MGAT5: variants seen among roughly 807,000 people sequenced by gnomAD.
MGAT5 encodes alpha-1,6-mannosylglycoprotein 6-beta-N-acetylglucosaminyltransferase A.
In MGAT5, 30 loss-of-function variants were observed where a neutral mutation model predicts 94.3. The observed-to-expected ratio is 0.32, with a 90% CI of 0.24 to 0.43. The LOEUF is 0.43. Among genes scored for constraint, MGAT5 ranks in the 20% least tolerant of loss-of-function variants. MGAT5 has a pLI of 1.00. For synonymous variants in MGAT5, 310 were observed against 322.9 expected, an observed-to-expected ratio of 0.96 and a Z score of 0.43; for missense variants, 691 against 905.5, an observed-to-expected ratio of 0.76 and a Z score of 3.04.
At chr2:134,141,706 T>TA (rs1437691376) in intron 1 of MGAT5, among the ~76,000 whole-genome samples, 3 of 152,114 alleles carry the variant, frequency 2.0e-5, no homozygotes, top group Non-Finnish European at 4.4e-5. Context: ...CCTTGAAAGA[T>TA]ATGCGGAATT....
intron 10 of MGAT5, among the ~76,000 whole-genome samples, chr2:134,366,690 A>G (rs1182348772): frequency 1.3e-5 from 2 of 152,216 alleles, no homozygotes; most frequent in East Asian, 3.8e-4. Context: ...ACTCTGGTTC[A>G]TACCTGGGAT....
intron 14 of MGAT5, among the ~76,000 whole-genome samples, chr2:134,437,805 A>C (rs1443793857): frequency 6.6e-6 from 1 of 152,148 alleles, no homozygotes; most frequent in African/African-American, 2.4e-5. Context: ...CCCTGAGGCT[A>C]GGAGTTCGAG....
At chr2:134,247,369 A>C (rs913742624) in intron 1 of MGAT5, among the ~76,000 whole-genome samples, 14 of 148,556 alleles carry the variant, frequency 9.4e-5, no homozygotes, top group South Asian at 2.1e-4. Context: ...TAAAAAAAAA[A>C]AAAAACAAAA....
At chr2:134,283,022 A>T (rs548168748) in intron 2 of MGAT5, among the ~76,000 whole-genome samples, 1 of 151,600 alleles carries the variant, frequency 6.6e-6, no homozygotes, top group Admixed American at 6.6e-5. Flanking sequence ...TTACTGTATC[A>T]TCTGTCATTT....
At chr2:134,388,796 C>G (rs1276408828) in intron 10 of MGAT5, among the ~76,000 whole-genome samples, 6 of 152,064 alleles carry the variant, frequency 3.9e-5, no homozygotes, top group Non-Finnish European at 5.9e-5. Flanking sequence ...GAGTCTCGCT[C>G]TGTTGCCCAA....
chr2:134,313,199 G>T lies in MGAT5; in HGVS notation c.407-4330G>T, dbSNP rs183054887. Among the ~76,000 whole-genome samples, 98 of 152,046 alleles carry T rather than the reference G, an allele frequency of 6.4e-4. 1 individual carries two copies. In the East Asian group the frequency reaches 0.015, roughly 23 times the overall value. On this transcript the variant is annotated intron_variant, in intron 2 of 15. Coordinates refer to ENST00000281923, the MANE Select transcript of MGAT5 (RefSeq NM_002410.5). Reference sequence around the variant, plus strand: ...CTCTCTCGATACGTGTGTGTCTGTTGGGACTGTCAGGGAGAATCTGTCTCC... The same window carrying T: ...CTCTCTCGATACGTGTGTGTCTGTTTGGACTGTCAGGGAGAATCTGTCTCC...
In MGAT5 at chr2:134,254,221, T is replaced by C. The variant is rs1158381601; in HGVS notation, c.-183T>C. On this transcript the variant is annotated 5_prime_UTR_variant, in exon 1 of 16. Transcript: ENST00000281923. ...TGGCTTCTGGTTTATTTTGCTGTAT[T>C]GTGCCATGACCACTTGGCTAATTCT... 7 of 653,620 alleles carry C rather than the reference T, an allele frequency of 1.1e-5. No homozygotes were observed. In the East Asian group the frequency reaches 1.6e-4, roughly 15 times the overall value. 40.5% of individuals were successfully genotyped at this position (653,620 alleles called of 1,614,324 possible). A position where few individuals can be genotyped will look rare whatever the true frequency, so the allele number is the denominator to read the frequency against.
At chr2:134,148,470 C>T (rs1288435302) in intron 1 of MGAT5, among the ~76,000 whole-genome samples, 1 of 152,246 alleles carries the variant, frequency 6.6e-6, no homozygotes, top group African/African-American at 2.4e-5. Context: ...CTTCTTCCCT[C>T]TCTTCTTCCT....
chr2:134,346,283 A>G (rs929087799), intron 8 of MGAT5, among the ~76,000 whole-genome samples: 1 of 152,222 alleles, frequency 6.6e-6, no homozygotes, highest in East Asian at 1.9e-4. Context: ...GAATTAAAAA[A>G]GGATAATTTT....
chr2:134,406,716 T>C lies in MGAT5; in HGVS notation c.1530+3579T>C, dbSNP rs564413003. Among the ~76,000 whole-genome samples, 3 of 151,472 alleles carry C rather than the reference T, an allele frequency of 2.0e-5. No individual in the cohort carries two copies. The South Asian group carries it at 6.2e-4, about 32-fold the overall frequency. ...CCTGGGCAACATGGCAAAACCCCATTTCTACAAAAAATACCAAAAAAAAAA... is the reference window on the plus strand; with the variant it reads ...CCTGGGCAACATGGCAAAACCCCATCTCTACAAAAAATACCAAAAAAAAAA... On this transcript the variant is annotated intron_variant, in intron 11 of 15. Transcript: ENST00000281923.
intron 1 of MGAT5, among the ~76,000 whole-genome samples, chr2:134,191,095 C>G (rs1558979072): frequency 6.6e-6 from 1 of 152,242 alleles, no homozygotes; most frequent in Non-Finnish European, 1.5e-5. Context: ...GTCCCTGGCA[C>G]CGTCTGTTCT....
intron 1 of MGAT5, among the ~76,000 whole-genome samples, chr2:134,259,167 T>A (rs1683164401): frequency 6.6e-6 from 1 of 152,162 alleles, no homozygotes. Context: ...ACTCTGTCAG[T>A]CCAGAGAGGA....
intron 1 of MGAT5, among the ~76,000 whole-genome samples, chr2:134,222,993 T>C (rs923796597): frequency 3.3e-5 from 5 of 152,134 alleles, no homozygotes; most frequent in African/African-American, 1.2e-4. Context: ...AAAATATGTA[T>C]ATTATATATC....
At chr2:134,186,707 G>A (rs557905599) in intron 1 of MGAT5, among the ~76,000 whole-genome samples, 282 of 152,228 alleles carry the variant, frequency 1.9e-3, no homozygotes, top group African/African-American at 6.4e-3. Context: ...ATTGTGGATC[G>A]TGACTTTACT....
At chr2:134,321,482 C>G (rs1687316390) in intron 4 of MGAT5, among the ~76,000 whole-genome samples, 1 of 152,166 alleles carries the variant, frequency 6.6e-6, no homozygotes, top group African/African-American at 2.4e-5. Context: ...ACACTTCACC[C>G]CTGCTCCCAG....
chr2:134,278,136 C>T (rs1343096150), intron 2 of MGAT5, among the ~76,000 whole-genome samples: 8 of 152,082 alleles, frequency 5.3e-5, no homozygotes, highest in South Asian at 4.1e-4. Context: ...GTATGTTTAC[C>T]GAAAATTCTT....
chr2:134,173,511 C>T (rs1358556360), intron 1 of MGAT5, among the ~76,000 whole-genome samples: 1 of 152,214 alleles, frequency 6.6e-6, no homozygotes, highest in Non-Finnish European at 1.5e-5. Context: ...GTTCTCAGCT[C>T]TGCACCATGT....
At chr2:134,286,168 T>C (rs2442049) in intron 2 of MGAT5, among the ~76,000 whole-genome samples, 150,905 of 152,302 alleles carry the variant, frequency 0.99, 74,767 homozygotes, top group East Asian at 1. Flanking sequence ...CTTCTTACTG[T>C]GGCCCACAGA....
chr2:134,232,588 G>A (rs961333829), intron 1 of MGAT5, among the ~76,000 whole-genome samples: 5 of 152,028 alleles, frequency 3.3e-5, no homozygotes, highest in African/African-American at 4.8e-5. Flanking sequence ...AGAGACCCAC[G>A]GACCCATCCT....
Sources: allele counts gnomAD v4.1 joint callset (sites outside exome capture counted in the v4.1 genomes callset), GRCh38; gene constraint gnomAD v4.1.1; transcripts MANE v1.5; gene names NCBI Gene and HGNC (gene_info 2026-07-23, HGNC 2026-07-21).